The following TAB2 variants were observed in gnomAD, a reference collection of about 807,000 sequenced individuals.
TAB2 encodes TGF-beta activated kinase 1 (MAP3K7) binding protein 2, also known as TGF-beta-activated kinase 1 and MAP3K7-binding protein 2.
A neutral mutation model predicts 65.0 loss-of-function variants in TAB2; 3 were observed. That is an observed-to-expected ratio of 0.05 (90% CI 0.02 to 0.12). TAB2 has a LOEUF of 0.12. TAB2 is among the 10% of genes least tolerant of loss of function. The pLI is 1.00. For synonymous variants in TAB2, 298 were observed against 285.1 expected, an observed-to-expected ratio of 1.05 and a Z score of -0.46; for missense variants, 623 against 840.3, an observed-to-expected ratio of 0.74 and a Z score of 3.20.
chr6:149,232,851 A>G (rs976573630), intron 1 of TAB2, among the ~76,000 whole-genome samples: 1 of 152,166 alleles, frequency 6.6e-6, no homozygotes, highest in African/African-American at 2.4e-5. Flanking sequence ...GCCTCCAGAG[A>G]AAGTGCCCCA....
intron 1 of TAB2, among the ~76,000 whole-genome samples, chr6:149,306,328 C>G (rs1471005710): frequency 3.3e-5 from 5 of 152,098 alleles, no homozygotes; most frequent in Non-Finnish European, 7.4e-5. Flanking sequence ...ATCACAAGGT[C>G]AGGAGATCGA....
At chr6:149,311,482 G>A (rs1334586496) in intron 1 of TAB2, among the ~76,000 whole-genome samples, 3 of 152,200 alleles carry the variant, frequency 2.0e-5, no homozygotes, top group Non-Finnish European at 4.4e-5. Flanking sequence ...CAGAGAATAT[G>A]TCTTGCGCAA....
At chr6:149,397,255 A>C (rs1782202640) in intron 3 of TAB2, among the ~76,000 whole-genome samples, 1 of 152,190 alleles carries the variant, frequency 6.6e-6, no homozygotes, top group South Asian at 2.1e-4. Flanking sequence ...CAGCCTGACC[A>C]ACATGGTGAA....
At chr6:149,307,758 T>C (rs1779095353) in intron 1 of TAB2, among the ~76,000 whole-genome samples, 1 of 152,256 alleles carries the variant, frequency 6.6e-6, no homozygotes, top group Non-Finnish European at 1.5e-5. Flanking sequence ...AGGAACAATT[T>C]TGAATAATTT....
chr6:149,282,728 T>C (rs1259313212), intron 1 of TAB2, among the ~76,000 whole-genome samples: 1 of 152,186 alleles, frequency 6.6e-6, no homozygotes, highest in African/African-American at 2.4e-5. Flanking sequence ...TCAGAACAAA[T>C]ATGAATTCAA....
chr6:149,227,618 C>A (rs1391075294), intron 1 of TAB2, among the ~76,000 whole-genome samples: 1 of 152,194 alleles, frequency 6.6e-6, no homozygotes, highest in African/African-American at 2.4e-5. Context: ...CACTTGCCCA[C>A]CCTTTCCATA....
At chr6:149,274,846 GA>G (rs933936605) in intron 1 of TAB2, among the ~76,000 whole-genome samples, 15 of 152,100 alleles carry the variant, frequency 9.9e-5, no homozygotes, top group African/African-American at 3.6e-4. Context: ...CATTAGAACC[GA>G]AGAAGACCAC....
At chr6:149,316,398 T>C (rs1049719128), upstream of TAB2, among the ~76,000 whole-genome samples, 1 of 152,048 alleles carries the variant, frequency 6.6e-6, no homozygotes, top group Non-Finnish European at 1.5e-5. Context: ...AAAGATGGTT[T>C]AAAAAAAATT....
Position 149,384,313 on chromosome 6 carries a change from A to C in TAB2, c.1603+4795A>C, listed in dbSNP as rs567150953. Reference sequence around the variant, plus strand: ...CTAAAATACTGTGATAAAAACTGTCAAAAGTGAAAATTTGTTTATGAAAGG... The same window carrying C: ...CTAAAATACTGTGATAAAAACTGTCCAAAGTGAAAATTTGTTTATGAAAGG... On this transcript the variant is annotated intron_variant, in intron 3 of 6. Coordinates refer to ENST00000637181, the MANE Select transcript of TAB2 (RefSeq NM_001292034.3). 1.1e-4 allele frequency among the ~76,000 whole-genome samples: 16 copies of C among 152,356 alleles called. No homozygotes were observed. The South Asian group carries it at 3.3e-3, about 32-fold the overall frequency.
intron 3 of TAB2, among the ~76,000 whole-genome samples, chr6:149,380,516 A>G (rs1781572171): frequency 6.6e-6 from 1 of 152,322 alleles, no homozygotes; most frequent in African/African-American, 2.4e-5. Flanking sequence ...ATATTAATTC[A>G]AATAGAGAAA....
chr6:149,318,357 C>T (rs1351244081), intron 1 of TAB2, among the ~76,000 whole-genome samples: 2 of 152,024 alleles, frequency 1.3e-5, no homozygotes, highest in African/African-American at 2.4e-5. Context: ...GGGAGGGCCC[C>T]TCCCTGCGTC....
At chr6:149,381,705 C>G (rs1781616231) in intron 3 of TAB2, among the ~76,000 whole-genome samples, 1 of 151,512 alleles carries the variant, frequency 6.6e-6, no homozygotes, top group South Asian at 2.1e-4. Context: ...TCCCTAGTAG[C>G]TGGACTACAG....
Position 149,312,445 on chromosome 6 carries a change from C to T in TAB2, c.-120-65573C>T, listed in dbSNP as rs188359247. Among the ~76,000 whole-genome samples, 404 of 152,300 alleles carry T rather than the reference C, an allele frequency of 2.7e-3. 1 individual carries two copies. The highest frequency in any genetic ancestry group is 9.1e-3 in the African/African-American group (379 of 41,554). On this transcript the variant is annotated intron_variant, in intron 1 of 1. Transcript: ENST00000606202. ...TGGCACAATCTCAGCTCACTGCAAC[C>T]TCAGCCTCCCGGGTTCAAGCCATTC...
intron 1 of TAB2, chr6:149,244,313 G>A (rs147026248): frequency 6.6e-6 from 1 of 152,384 alleles, no homozygotes; most frequent in East Asian, 1.9e-4. Flanking sequence ...AATAGGCTTG[G>A]TTCCTGCCCT....
At chr6:149,259,018 G>A (rs1303630347) in intron 1 of TAB2, among the ~76,000 whole-genome samples, 1 of 152,122 alleles carries the variant, frequency 6.6e-6, no homozygotes, top group South Asian at 2.1e-4. Flanking sequence ...GCTAGAAAGG[G>A]CAAGAAAACA....
Position 149,306,585 on chromosome 6 carries a change from A to G in TAB2, c.-120-71433A>G, listed in dbSNP as rs980052844. On this transcript the variant is annotated intron_variant, in intron 1 of 1. Transcript: ENST00000606202. The stretch of plus-strand genomic sequence containing the variant: ...AAAAAAAAAAAAAACAAAAAACAAA[A>G]AAAAACACACACACAAATTAGCCGG... 2.2e-4 allele frequency among the ~76,000 whole-genome samples: 33 copies of G among 151,592 alleles called. 1 individual carries two copies. The highest frequency in any genetic ancestry group is 3.4e-3 in the Middle Eastern group (1 of 294).
chr6:149,310,536 C>T (rs1420883330), intron 1 of TAB2, among the ~76,000 whole-genome samples: 2 of 151,104 alleles, frequency 1.3e-5, no homozygotes, highest in African/African-American at 2.4e-5. Context: ...GTTTTCTCAA[C>T]CTTATGTAAT....
intron 1 of TAB2, among the ~76,000 whole-genome samples, chr6:149,324,826 CTTTTTT>C (rs35922173): frequency 3.0e-5 from 4 of 132,820 alleles, no homozygotes; most frequent in African/African-American, 1.1e-4. Context: ...GAAAATATTA[CTTTTTT>C]TTTTTTTTTT....
intron 2 of TAB2, among the ~76,000 whole-genome samples, chr6:149,376,404 A>G (rs150432181): frequency 1.1e-3 from 170 of 152,314 alleles, no homozygotes; most frequent in African/African-American, 3.9e-3. Context: ...TGCTTTTGCA[A>G]CAATTTGTTC....
Sources: gnomAD v4.1 joint callset for allele counts (sites outside exome capture counted in the v4.1 genomes callset) on GRCh38, gnomAD v4.1.1 for gene constraint, MANE v1.5 for transcripts, NCBI Gene and HGNC (gene_info 2026-07-23, HGNC 2026-07-21) for gene names.